The following NMD3 variants were observed in gnomAD, a reference collection of about 807,000 sequenced individuals.
NMD3 encodes the protein NMD3 ribosome export adaptor.
A neutral mutation model predicts 73.1 loss-of-function variants in NMD3; 47 were observed. That is an observed-to-expected ratio of 0.64 (90% CI 0.51 to 0.82). NMD3 has a LOEUF of 0.82. Ranked by LOEUF, NMD3 falls within the 40% of genes least tolerant of loss-of-function variation. NMD3 has a pLI of 0.00. For synonymous variants in NMD3, 210 were observed against 194.5 expected (o/e 1.08, Z -0.66); for missense variants, 554 against 612.5 (o/e 0.90, Z 1.01).
intron 10 of NMD3, among the ~76,000 whole-genome samples, chr3:161,241,382 A>G (rs903589399): frequency 5.0e-5 from 7 of 140,068 alleles, no homozygotes; most frequent in African/African-American, 1.6e-4. Flanking sequence ...ATTTTTACAT[A>G]TTTACTGGTT....
At chr3:161,222,127 G>T in intron 2 of NMD3, 70 bp downstream of exon 2, 1 of 1,221,348 alleles carries the variant, frequency 8.2e-7, no homozygotes, top group East Asian at 2.3e-5. Flanking sequence ...ACTCACTATG[G>T]AGAACGCTTG....
At chr3:161,233,335 C>A in intron 4 of NMD3, 64 bp from the exon 5 acceptor site, 1 of 1,100,148 alleles carries the variant, frequency 9.1e-7, no homozygotes, top group Non-Finnish European at 1.4e-6. Flanking sequence ...ATGATTTGTT[C>A]TTTCGTGTTT....
chr3:161,252,342 A>C (rs1168737095), downstream of NMD3: 1 of 152,326 alleles, frequency 6.6e-6, no homozygotes, highest in Non-Finnish European at 1.5e-5. Context: ...ATGAGAAAGT[A>C]TCTTACGCAA....
chr3:161,249,372 G>C (rs1367491535), intron 13 of NMD3, 82 bp from the exon 14 acceptor site: 3 of 823,408 alleles, frequency 3.6e-6, no homozygotes, highest in Non-Finnish European at 5.9e-6. Context: ...CATTAGTTTG[G>C]TCATTTTTTA....
intron 1 of NMD3, 36 bp from the exon 2 acceptor site, chr3:161,221,958 C>CTTTTTTTTT (rs376329329): frequency 3.5e-6 from 3 of 868,868 alleles, no homozygotes; most frequent in Admixed American, 2.7e-5. Context: ...CCAACATTCT[C>CTTTTTTTTT]TTTTTTTTTT....
chr3:161,221,848 CCTT>C, intron 1 of NMD3, 143 bp from the exon 2 acceptor site: 1 of 531,098 alleles, frequency 1.9e-6, no homozygotes, highest in South Asian at 2.9e-5. Flanking sequence ...AGTTGGGTTT[CCTT>C]CTTTCCTGCT....
Position 161,233,666 on chromosome 3 carries a change from AT to A in NMD3, c.357+189del, listed in dbSNP as rs1736628349. ...CTAGTAAGAGTAGTCATTGCTTCTG[AT>A]TAGCAGACTTACTTTTCCAGAGTTA... is the stretch of plus-strand genomic sequence containing the variant. On this transcript the variant is annotated intron_variant, in intron 5 of 15. Coordinates refer to ENST00000351193, the MANE Select transcript of NMD3 (RefSeq NM_015938.5). 4.6e-5 allele frequency among the ~76,000 whole-genome samples: 7 copies of A among 152,218 alleles called. No individual in the cohort carries two copies. The South Asian group carries it at 1.4e-3, about 31-fold the overall frequency.
chr3:161,238,214 G>C lies in NMD3; in HGVS notation c.656+23G>C. 4 of 1,448,448 alleles carry C rather than the reference G, an allele frequency of 2.8e-6. No individual in the cohort carries two copies. The South Asian group carries it at 4.9e-5, about 18-fold the overall frequency. The allele number at this position is 1,448,448 out of a possible 1,614,324, so 89.7% of individuals were successfully genotyped here. A position where few individuals can be genotyped will look rare whatever the true frequency, so the allele number is the denominator to read the frequency against. On this transcript the variant is annotated intron_variant, in intron 8 of 15. Transcript: ENST00000351193. ...TAGGTATGTTCTGAACCTTGAATGT[G>C]ACTAAATCTAAGGACTTGGGAATGG... is the stretch of plus-strand genomic sequence containing the variant.
At chr3:161,234,966 C>T in intron 6 of NMD3, 111 bp downstream of exon 6, 3 of 1,127,252 alleles carry the variant, frequency 2.7e-6, no homozygotes, top group African/African-American at 3.1e-5. Context: ...GAAGCATTCA[C>T]CTTTGGAAAT....
At chr3:161,234,988 A>C (rs1736699968) in intron 6 of NMD3, 133 bp downstream of exon 6, 1 of 966,962 alleles carries the variant, frequency 1.0e-6, no homozygotes, top group East Asian at 2.5e-5. Flanking sequence ...GATCATTATT[A>C]CATTTTAGAT....
chr3:161,253,075 C>T (rs777438951), downstream of NMD3: 10 of 219,860 alleles, frequency 4.5e-5, no homozygotes, highest in South Asian at 1.4e-4. Flanking sequence ...CCAGCCTGGG[C>T]GACAGAGTGA....
intron 4 of NMD3, among the ~76,000 whole-genome samples, chr3:161,229,370 G>T (rs1736449792): frequency 6.6e-6 from 1 of 152,200 alleles, no homozygotes; most frequent in South Asian, 2.1e-4. Flanking sequence ...GAAGTGGACA[G>T]ATTTTGGATC....
rs1264176443 is a variant in NMD3, at chr3:161,233,384, T to C, written c.277-15T>C. On this transcript the variant is annotated splice_polypyrimidine_tract_variant and intron_variant, in intron 4 of 15. Transcript: ENST00000351193. ...GTGAGAACTTACGTTTCTTTTTGTTTGTGTTTTATTGAAGGTACGGCTTGT... is the reference window on the plus strand; with the variant it reads ...GTGAGAACTTACGTTTCTTTTTGTTCGTGTTTTATTGAAGGTACGGCTTGT... 6.3e-7 allele frequency: 1 copy of C among 1,590,728 alleles called. No homozygotes were observed. Among genetic ancestry groups the C allele is most frequent in the Admixed American group, 1.7e-5 (1 of 57,940 alleles).
chr3:161,221,775 G>A (rs1470181041), intron 1 of NMD3: 1 of 378,100 alleles, frequency 2.6e-6, no homozygotes, highest in Non-Finnish European at 4.7e-6. Context: ...TCTTGCAGCT[G>A]GGAAGCTCAG....
chr3:161,229,850 A>G (rs1267224660), intron 4 of NMD3, among the ~76,000 whole-genome samples: 1 of 152,196 alleles, frequency 6.6e-6, no homozygotes, highest in Non-Finnish European at 1.5e-5. Flanking sequence ...TGTTTTAAGA[A>G]GAAAGGAGTG....
chr3:161,223,011 G>C (rs114570872), intron 2 of NMD3: 4 of 152,200 alleles, frequency 2.6e-5, no homozygotes, highest in Non-Finnish European at 4.4e-5. Flanking sequence ...GCTTTTAACA[G>C]ACACTTGTCT....
intron 7 of NMD3, 88 bp downstream of exon 7, chr3:161,235,300 G>A (rs937781351): frequency 7.1e-5 from 37 of 521,470 alleles, no homozygotes; most frequent in Non-Finnish European, 1.1e-4. Flanking sequence ...ATAATATCTG[G>A]ATTAGTACTG....
At chr3:161,224,895 T>A in intron 2 of NMD3, 35 bp from the exon 3 acceptor site, 1 of 1,551,352 alleles carries the variant, frequency 6.4e-7, no homozygotes, top group Non-Finnish European at 8.7e-7. Flanking sequence ...ATTTTAAAAA[T>A]CTAATGTGAA....
In NMD3 at chr3:161,235,135, A is replaced by G; in HGVS notation, c.500A>G (p.Lys167Arg). 4 of 1,515,978 alleles carry G rather than the reference A, an allele frequency of 2.6e-6. No individual in the cohort carries two copies. Among genetic ancestry groups the G allele is most frequent in the Non-Finnish European group, 3.6e-6 (4 of 1,108,650 alleles). 93.9% of individuals were successfully genotyped at this position (1,515,978 alleles called of 1,614,324 possible). A position where few individuals can be genotyped will look rare whatever the true frequency, so the allele number is the denominator to read the frequency against. Residue 167 changes from lysine (K) to arginine (R), a missense_variant, in exon 7 of 16, where the codon AAA becomes AGA. Physicochemically the swap from Lys to Arg is conservative, Grantham distance 26. Coordinates refer to ENST00000351193, the MANE Select transcript of NMD3 (RefSeq NM_015938.5). ...IQVRQKTLHK[K>R]TFYYLEQLIL... The stretch of plus-strand genomic sequence containing the variant: ...TTTATATTTTAGACTTTGCATAAAA[A>G]AACTTTCTACTATCTGGAACAGTTA...
Sources: allele counts gnomAD v4.1 joint callset (sites outside exome capture counted in the v4.1 genomes callset), GRCh38; gene constraint gnomAD v4.1.1; transcripts MANE v1.5; gene names NCBI Gene and HGNC (gene_info 2026-07-23, HGNC 2026-07-21).